Variants in DDX31 observed in about 807,000 individuals in gnomAD.
The protein encoded by DDX31 is ATP-dependent DNA helicase DDX31.
DDX31 carries 70 observed loss-of-function variants against 91.3 expected under a neutral mutation model. The ratio of observed to expected loss-of-function variants is 0.77; its 90% CI spans 0.63 to 0.94. The LOEUF is 0.94. DDX31 is among the 40% of genes least tolerant of loss of function. The pLI is 0.00. For missense variants in DDX31, 902 were observed against 925.0 expected, an observed-to-expected ratio of 0.98 and a Z score of 0.32; for synonymous variants, 362 against 350.6, an observed-to-expected ratio of 1.03 and a Z score of -0.36.
intron 6 of DDX31, among the ~76,000 whole-genome samples, chr9:132,653,910 C>T (rs908816972): frequency 6.6e-6 from 1 of 151,880 alleles, no homozygotes; most frequent in African/African-American, 2.4e-5. Flanking sequence ...TTTAAAGCTA[C>T]AGCAATTACA....
intron 4 of DDX31, 113 bp from the exon 5 acceptor site, chr9:132,659,893 C>T: frequency 1.1e-6 from 1 of 897,758 alleles, no homozygotes; most frequent in African/African-American, 1.7e-5. Flanking sequence ...GCAACTGCCT[C>T]CTTAGAAGCT....
intron 8 of DDX31, among the ~76,000 whole-genome samples, 159 bp from the exon 9 acceptor site, chr9:132,650,457 C>A (rs140959704): frequency 6.6e-6 from 1 of 152,200 alleles, no homozygotes; most frequent in Non-Finnish European, 1.5e-5. Context: ...GGCATTGCTA[C>A]ACCCATGTTC....
intron 6 of DDX31, among the ~76,000 whole-genome samples, chr9:132,652,894 C>G (rs1385991715): frequency 6.6e-6 from 1 of 152,236 alleles, no homozygotes; most frequent in East Asian, 1.9e-4. Context: ...TGAGACCTCC[C>G]CCAGCCATGT....
intron 18 of DDX31, among the ~76,000 whole-genome samples, chr9:132,616,659 T>C (rs1248832993): frequency 1.3e-5 from 2 of 152,226 alleles, no homozygotes; most frequent in African/African-American, 4.8e-5. Context: ...AAAGTTACAC[T>C]GTGACAAAGA....
At chr9:132,644,774 T>C (rs759767884) in intron 13 of DDX31, among the ~76,000 whole-genome samples, 10 of 152,158 alleles carry the variant, frequency 6.6e-5, no homozygotes, top group Non-Finnish European at 1.3e-4. Flanking sequence ...CCATTAACGG[T>C]ATTAAATAAA....
At chr9:132,661,176 C>T (rs1180060107) in intron 4 of DDX31, 32 bp downstream of exon 4, 8 of 1,598,270 alleles carry the variant, frequency 5.0e-6, no homozygotes, top group Non-Finnish European at 6.9e-6. Flanking sequence ...CACGTAATGC[C>T]TAAGAAATCA....
Position 132,652,433 on chromosome 9 carries a change from A to T in DDX31, c.633+15T>A. ...GCATGTGCTTAAAACTTGTCCCAAA[A>T]GGGAGCCTGCTTACCTCTCTCGTTG... On this transcript the variant is annotated intron_variant, in intron 7 of 19. Coordinates refer to ENST00000372159, the MANE Select transcript of DDX31 (RefSeq NM_022779.9). 6.2e-7 allele frequency: 1 copy of T among 1,614,096 alleles called. No homozygotes were observed. The highest frequency in any genetic ancestry group is 8.5e-7 in the Non-Finnish European group (1 of 1,179,972).
At chr9:132,655,021 C>T (rs1179674233) in intron 6 of DDX31, among the ~76,000 whole-genome samples, 1 of 151,874 alleles carries the variant, frequency 6.6e-6, no homozygotes, top group African/African-American at 2.4e-5. Context: ...AAAACTGGAC[C>T]TTCTACACCG....
chr9:132,635,112 A>G (rs746498533), intron 14 of DDX31, among the ~76,000 whole-genome samples: 8 of 152,036 alleles, frequency 5.3e-5, no homozygotes, highest in Non-Finnish European at 8.8e-5. Context: ...GGCACAAACA[A>G]CCTCAGGGTG....
intron 14 of DDX31, chr9:132,638,063 G>A (rs1160062627): frequency 1.6e-6 from 2 of 1,244,220 alleles, no homozygotes; most frequent in African/African-American, 3.1e-5. Context: ...AGGTGATTTA[G>A]GTGCATCTTC....
At chr9:132,642,687 T>C (rs17149391) in intron 13 of DDX31, among the ~76,000 whole-genome samples, 4,077 of 152,196 alleles carry the variant, frequency 0.027, 71 homozygotes, top group Middle Eastern at 0.048. Flanking sequence ...AACATGCTCT[T>C]ATATAGCAAC....
At chr9:132,603,596 G>A (rs1183760686) in intron 19 of DDX31, among the ~76,000 whole-genome samples, 4 of 152,204 alleles carry the variant, frequency 2.6e-5, no homozygotes, top group Non-Finnish European at 5.9e-5. Context: ...AACTAGAAGA[G>A]CTCTGAGCAA....
At chr9:132,650,343 C>T (rs1419350695) in intron 8 of DDX31, 45 bp from the exon 9 acceptor site, 1 of 1,570,994 alleles carries the variant, frequency 6.4e-7, no homozygotes, top group African/African-American at 1.4e-5. Context: ...GCCCCCTTTA[C>T]TAACATCAGA....
At position 132,660,778 on chromosome 9, in the gene DDX31, A is replaced by G. The variant is rs963707307; in HGVS notation, c.452+430T>C. Among the ~76,000 whole-genome samples, 8 of 152,244 alleles carry G rather than the reference A, an allele frequency of 5.3e-5. No individual in the cohort carries two copies. In the East Asian group the frequency reaches 1.3e-3, roughly 26 times the overall value. ...CACCTATTTTACTTCTTTATTTTCCAGGAGTCATTCCCTGTAACAAACATT... is the reference window on the plus strand; with the variant it reads ...CACCTATTTTACTTCTTTATTTTCCGGGAGTCATTCCCTGTAACAAACATT... On this transcript the variant is annotated intron_variant, in intron 4 of 19. Transcript: ENST00000372159.
chr9:132,619,518 GA>G (rs1831870852), intron 17 of DDX31, among the ~76,000 whole-genome samples: 1 of 152,200 alleles, frequency 6.6e-6, no homozygotes, highest in African/African-American at 2.4e-5. Flanking sequence ...AAGGCTGACA[GA>G]GGAAGAACAA....
At chr9:132,663,375 C>T in intron 1 of DDX31, 3 of 985,428 alleles carry the variant, frequency 3.0e-6, no homozygotes, top group Middle Eastern at 5.2e-4. Context: ...TTCCTACCTC[C>T]CTTGCCTTTC....
At chr9:132,641,296 A>G (rs1458138607) in intron 14 of DDX31, among the ~76,000 whole-genome samples, 2 of 152,194 alleles carry the variant, frequency 1.3e-5, no homozygotes, top group African/African-American at 4.8e-5. Context: ...TTATGGTACA[A>G]TTTCATTACT....
chr9:132,647,805 T>C (rs564103184), intron 11 of DDX31, among the ~76,000 whole-genome samples: 5 of 152,126 alleles, frequency 3.3e-5, no homozygotes, highest in Non-Finnish European at 7.4e-5. Flanking sequence ...AATAGCTCTA[T>C]AGGAGGAAGA....
At chr9:132,668,055 T>C (rs1835427382) in intron 1 of DDX31, among the ~76,000 whole-genome samples, 1 of 152,146 alleles carries the variant, frequency 6.6e-6, no homozygotes, top group African/African-American at 2.4e-5. Flanking sequence ...GTGTATCCTA[T>C]TCCAAATCCC....
Sources: gnomAD v4.1 joint callset for allele counts (sites outside exome capture counted in the v4.1 genomes callset) on GRCh38, gnomAD v4.1.1 for gene constraint, MANE v1.5 for transcripts, NCBI Gene and HGNC (gene_info 2026-07-23, HGNC 2026-07-21) for gene names.